PDCL2: variants seen among roughly 807,000 people sequenced by gnomAD.
PDCL2 encodes phosducin-like protein 2.
PDCL2 carries 23 observed loss-of-function variants against 30.3 expected under a neutral mutation model. The observed-to-expected ratio is 0.76, with a 90% CI of 0.55 to 1.08. The LOEUF (loss-of-function observed/expected upper bound fraction) is 1.08. Among genes scored for constraint, PDCL2 ranks in the 50% least tolerant of loss-of-function variants. The pLI, the probability that PDCL2 is intolerant of heterozygous loss-of-function variation, is 0.00. For synonymous variants in PDCL2, 68 were observed against 86.2 expected (o/e 0.79, Z 1.17); for missense variants, 243 against 282.3 (o/e 0.86, Z 1.00).
intron 1 of PDCL2, among the ~76,000 whole-genome samples, chr4:55,591,021 A>G (rs2110171584): frequency 6.6e-6 from 1 of 152,348 alleles, no homozygotes; most frequent in Middle Eastern, 3.4e-3. Context: ...ATTACATTTC[A>G]ATCCTGAAGA....
At chr4:55,572,861 G>C (rs557644954) in intron 3 of PDCL2, among the ~76,000 whole-genome samples, 2 of 152,160 alleles carry the variant, frequency 1.3e-5, no homozygotes, top group South Asian at 4.2e-4. Context: ...CCGGGTTCAC[G>C]CCATTCTCCT....
rs1326691211 is a variant in PDCL2, at chr4:55,590,453, T to C, written c.6+1651A>G. ...CAGGCTGGGTGACAGAGCAAGATCCTGTCTCCAAAAAAAAAAAAAAAAAGA... is the reference window on the plus strand; with the variant it reads ...CAGGCTGGGTGACAGAGCAAGATCCCGTCTCCAAAAAAAAAAAAAAAAAGA... On this transcript the variant is annotated intron_variant, in intron 1 of 5. Transcript: ENST00000295645. Among the ~76,000 whole-genome samples, 32 of 94,240 alleles carry C rather than the reference T, an allele frequency of 3.4e-4. 1 individual carries two copies. The East Asian group carries it at 0.012, about 36-fold the overall frequency. The allele number at this position is 94,240 out of a possible 152,430, so 61.8% of individuals were successfully genotyped here.
intron 4 of PDCL2, among the ~76,000 whole-genome samples, chr4:55,565,190 A>G (rs1732230127): frequency 6.6e-6 from 1 of 152,028 alleles, no homozygotes; most frequent in Non-Finnish European, 1.5e-5. Context: ...GGTCTTTTTT[A>G]TATATCTTTT....
At chr4:55,569,917 T>A in intron 3 of PDCL2, 56 bp from the exon 4 acceptor site, 2 of 1,260,938 alleles carry the variant, frequency 1.6e-6, no homozygotes, top group East Asian at 5.1e-5. Context: ...CTTAAGGTCA[T>A]TCTCATATGT....
intron 1 of PDCL2, among the ~76,000 whole-genome samples, chr4:55,583,004 C>G (rs1483056691): frequency 6.6e-6 from 1 of 151,976 alleles, no homozygotes; most frequent in African/African-American, 2.4e-5. Context: ...CAGAGAGATT[C>G]TTGCTCTATC....
intron 3 of PDCL2, among the ~76,000 whole-genome samples, chr4:55,579,506 C>T (rs773812753): frequency 7.2e-5 from 11 of 151,898 alleles, no homozygotes; most frequent in Admixed American, 3.9e-4. Flanking sequence ...TTTAAAGACA[C>T]GGGTTTCATC....
At chr4:55,589,828 G>A (rs145283384) in intron 1 of PDCL2, among the ~76,000 whole-genome samples, 8 of 152,124 alleles carry the variant, frequency 5.3e-5, no homozygotes, top group Non-Finnish European at 1.2e-4. Context: ...ACCATGTTTC[G>A]CTGAAACAAA....
At chr4:55,581,372 A>G (rs1352832113) in intron 2 of PDCL2, among the ~76,000 whole-genome samples, 1 of 152,196 alleles carries the variant, frequency 6.6e-6, no homozygotes, top group African/African-American at 2.4e-5. Flanking sequence ...AATATTATAG[A>G]AAGTATAATA....
At chr4:55,566,220 G>A (rs1446322227) in intron 4 of PDCL2, among the ~76,000 whole-genome samples, 5 of 151,600 alleles carry the variant, frequency 3.3e-5, no homozygotes, top group Non-Finnish European at 7.4e-5. Flanking sequence ...GACCTCAGGT[G>A]ATCCGCCCGC....
At chr4:55,579,046 T>G (rs930852685) in intron 3 of PDCL2, among the ~76,000 whole-genome samples, 7 of 152,194 alleles carry the variant, frequency 4.6e-5, no homozygotes, top group Non-Finnish European at 8.8e-5. Flanking sequence ...AGTTATTTAT[T>G]TATATCACTA....
chr4:55,567,989 T>G (rs534985883), intron 4 of PDCL2, among the ~76,000 whole-genome samples: 1 of 152,320 alleles, frequency 6.6e-6, no homozygotes, highest in African/African-American at 2.4e-5. Context: ...ATAAAATAAC[T>G]TTTATGGGGC....
Position 55,580,912 on chromosome 4 carries a change from C to A in PDCL2, c.128-1G>T. Reference sequence around the variant, plus strand: ...AGAGTCATCTTTTCAAATGGTTTCACTAAAACAACATAAATTATAGATTAT... The same window carrying A: ...AGAGTCATCTTTTCAAATGGTTTCAATAAAACAACATAAATTATAGATTAT... On this transcript the variant is annotated splice_acceptor_variant, in intron 2 of 5. Transcript: ENST00000295645. LOFTEE classifies it high-confidence loss of function. 1 of 1,584,960 alleles carries A rather than the reference C, an allele frequency of 6.3e-7. No individual in the cohort carries two copies. The highest frequency in any genetic ancestry group is 1.2e-5 in the South Asian group (1 of 84,808).
chr4:55,588,840 T>TTA (rs1732927904), intron 1 of PDCL2, among the ~76,000 whole-genome samples: 2 of 150,938 alleles, frequency 1.3e-5, no homozygotes, highest in African/African-American at 4.9e-5. Context: ...TTTGTCTGTT[T>TTA]TATAGTTTTC....
chr4:55,583,642 C>A (rs1732785189), intron 1 of PDCL2, among the ~76,000 whole-genome samples: 1 of 152,066 alleles, frequency 6.6e-6, no homozygotes, highest in African/African-American at 2.4e-5. Context: ...ATGTGGATAT[C>A]CTGTTTCCCA....
At chr4:55,589,003 G>A (rs140108903) in intron 1 of PDCL2, among the ~76,000 whole-genome samples, 5,158 of 151,920 alleles carry the variant, frequency 0.034, 106 homozygotes, top group Non-Finnish European at 0.054. Flanking sequence ...GACCACAGGC[G>A]CCTGCCACCA....
chr4:55,590,905 T>C (rs190575526), intron 1 of PDCL2, among the ~76,000 whole-genome samples: 5 of 152,342 alleles, frequency 3.3e-5, no homozygotes, highest in Admixed American at 6.5e-5. Flanking sequence ...CCCTCATTAG[T>C]AAGCTCTTAG....
At chr4:55,591,527 C>CAGT (rs1248337616) in intron 1 of PDCL2, among the ~76,000 whole-genome samples, 1 of 152,190 alleles carries the variant, frequency 6.6e-6, no homozygotes. Context: ...GCTGGGGCTA[C>CAGT]AGGCGCACGC....
intron 4 of PDCL2, among the ~76,000 whole-genome samples, chr4:55,563,681 A>G (rs1577905670): frequency 6.6e-6 from 1 of 152,340 alleles, no homozygotes; most frequent in African/African-American, 2.4e-5. Flanking sequence ...AAACCCTCCA[A>G]TGGGGGACAG....
intron 4 of PDCL2, among the ~76,000 whole-genome samples, chr4:55,568,397 G>T (rs1218134011): frequency 6.6e-6 from 1 of 152,148 alleles, no homozygotes; most frequent in Non-Finnish European, 1.5e-5. Flanking sequence ...GGGAGTGCAG[G>T]GGTGCAGGGA....
Sources: gnomAD v4.1 joint callset for allele counts (sites outside exome capture counted in the v4.1 genomes callset) on GRCh38, gnomAD v4.1.1 for gene constraint, MANE v1.5 for transcripts, NCBI Gene and HGNC (gene_info 2026-07-23, HGNC 2026-07-21) for gene names.